TBXAS1: variants seen among roughly 807,000 people sequenced by gnomAD.
TBXAS1 encodes the protein thromboxane-A synthase.
A neutral mutation model predicts 60.7 loss-of-function variants in TBXAS1; 48 were observed. That is an observed-to-expected ratio of 0.79 (90% confidence interval 0.63 to 1.01). The LOEUF (loss-of-function observed/expected upper bound fraction) is 1.01, where lower values mean the gene tolerates loss of function less well. Among genes scored for constraint, TBXAS1 ranks in the 50% least tolerant of loss-of-function variants. The pLI is 0.00. For missense variants in TBXAS1, 685 were observed against 686.3 expected (o/e 1.00, Z 0.02); for synonymous variants, 287 against 269.7 (o/e 1.06, Z -0.63).
intron 3 of TBXAS1, among the ~76,000 whole-genome samples, chr7:139,887,982 T>G (rs1803250180): frequency 6.6e-6 from 1 of 152,200 alleles, no homozygotes; most frequent in African/African-American, 2.4e-5. Context: ...TCAGGTTAAA[T>G]TTACACTTCC....
At chr7:139,796,115 T>C (rs1797564050) in intron 4 of TBXAS1, among the ~76,000 whole-genome samples, 1 of 152,192 alleles carries the variant, frequency 6.6e-6, no homozygotes. Flanking sequence ...CTTCACTGCC[T>C]TAAAATATAC....
intron 3 of TBXAS1, among the ~76,000 whole-genome samples, chr7:139,889,144 C>A (rs141848420): frequency 5.8e-4 from 88 of 151,748 alleles, no homozygotes; most frequent in African/African-American, 1.8e-3. Context: ...ACAGCCTGGG[C>A]AATATAGTGA....
intron 4 of TBXAS1, among the ~76,000 whole-genome samples, chr7:139,915,218 G>C (rs1805875985): frequency 6.6e-6 from 1 of 152,098 alleles, no homozygotes; most frequent in Non-Finnish European, 1.5e-5. Context: ...ACAGGTTTTT[G>C]AAAGTCAAAT....
intron 4 of TBXAS1, among the ~76,000 whole-genome samples, chr7:139,796,717 G>A (rs899035446): frequency 2.0e-5 from 3 of 152,148 alleles, no homozygotes; most frequent in Non-Finnish European, 4.4e-5. Context: ...TAATGATAGA[G>A]GAAACTGGAA....
chr7:139,903,826 G>T (rs1000121442), intron 3 of TBXAS1, among the ~76,000 whole-genome samples: 1 of 151,524 alleles, frequency 6.6e-6, no homozygotes, highest in African/African-American at 2.4e-5. Flanking sequence ...TGATTTTTTT[G>T]AGTTCATTGT....
At chr7:139,812,408 T>C (rs144831882) in intron 4 of TBXAS1, among the ~76,000 whole-genome samples, 1 of 152,182 alleles carries the variant, frequency 6.6e-6, no homozygotes, top group Non-Finnish European at 1.5e-5. Flanking sequence ...TTCCAGAAAT[T>C]TTTTTCTCTG....
chr7:139,854,296 T>C, intron 1 of TBXAS1, among the ~76,000 whole-genome samples: 1 of 152,122 alleles, frequency 6.6e-6, no homozygotes, highest in Non-Finnish European at 1.5e-5. Flanking sequence ...TCATGCAAGA[T>C]TGCCCAAGCC....
chr7:139,879,914 C>T (rs1429404980), intron 3 of TBXAS1, among the ~76,000 whole-genome samples: 2 of 150,352 alleles, frequency 1.3e-5, no homozygotes, highest in Non-Finnish European at 2.9e-5. Context: ...CAGAGTCTTG[C>T]TCTGTCATGC....
At chr7:139,944,520 G>T (rs968024167) in intron 5 of TBXAS1, among the ~76,000 whole-genome samples, 1 of 152,182 alleles carries the variant, frequency 6.6e-6, no homozygotes, top group Non-Finnish European at 1.5e-5. Context: ...TAGGAAAAAG[G>T]GTTTCATTTC....
chr7:139,799,075 CTTT>C (rs59263161), intron 4 of TBXAS1, among the ~76,000 whole-genome samples: 7 of 118,696 alleles, frequency 5.9e-5, no homozygotes, highest in Non-Finnish European at 6.7e-5. Flanking sequence ...CCATACACTG[CTTT>C]TTTTTTTTTT....
At chr7:139,810,442 G>A (rs1797996860) in intron 4 of TBXAS1, among the ~76,000 whole-genome samples, 1 of 152,198 alleles carries the variant, frequency 6.6e-6, no homozygotes, top group Non-Finnish European at 1.5e-5. Context: ...GTGGTTGAGT[G>A]TCTCTGGTGT....
At chr7:139,826,826 C>T (rs1017239163), upstream of TBXAS1, among the ~76,000 whole-genome samples, 2 of 152,152 alleles carry the variant, frequency 1.3e-5, no homozygotes, top group Non-Finnish European at 2.9e-5. Context: ...CTCTCTGGCT[C>T]GACACCTCCA....
intron 9 of TBXAS1, among the ~76,000 whole-genome samples, chr7:139,972,328 G>T (rs908238056): frequency 3.3e-5 from 5 of 152,194 alleles, no homozygotes; most frequent in African/African-American, 1.2e-4. Context: ...TAAGCTTGTG[G>T]GGTTGGTTCA....
At chr7:139,933,007 C>T (rs942888490) in intron 4 of TBXAS1, among the ~76,000 whole-genome samples, 5 of 152,006 alleles carry the variant, frequency 3.3e-5, no homozygotes, top group African/African-American at 4.8e-5. Context: ...CAGTGAGCCA[C>T]GATCACACCA....
chr7:139,807,942 A>G (rs1797919566), intron 4 of TBXAS1, among the ~76,000 whole-genome samples: 1 of 152,128 alleles, frequency 6.6e-6, no homozygotes, highest in Admixed American at 6.5e-5. Context: ...GCCAATCTCA[A>G]ACTACTAACA....
chr7:139,971,608 C>T (rs1443245227), intron 9 of TBXAS1, among the ~76,000 whole-genome samples: 1 of 152,118 alleles, frequency 6.6e-6, no homozygotes, highest in Non-Finnish European at 1.5e-5. Flanking sequence ...TCCTCTGCCC[C>T]TACTCAGGAC....
At chr7:139,988,859 G>A (rs1230593036) in intron 9 of TBXAS1, among the ~76,000 whole-genome samples, 3 of 152,178 alleles carry the variant, frequency 2.0e-5, no homozygotes, top group Non-Finnish European at 4.4e-5. Flanking sequence ...CAGGCATCCC[G>A]TGTGGCGGGA....
intron 1 of TBXAS1, among the ~76,000 whole-genome samples, chr7:139,861,937 G>T (rs1800998933): frequency 6.6e-6 from 1 of 152,168 alleles, no homozygotes; most frequent in Admixed American, 6.5e-5. Flanking sequence ...CAAAGTAAAT[G>T]AGGTGGGGAT....
rs1810396607 is a variant in TBXAS1 at position 139,962,011 on chromosome 7, C to T, written c.912C>T (p.Phe304=). Residue 304 remains phenylalanine, a synonymous_variant, in exon 9 of 13, where the codon TTC becomes TTT. Coordinates refer to ENST00000448866, the MANE Select transcript of TBXAS1 (RefSeq NM_001061.7). ...VQDFDIVRDV[F]SSTGCKPNPS... ...ACTTTGACATCGTCAGAGACGTTTT[C>T]TCCTCTACTGGGTGCAAGCCGAACC... 5 of 1,614,138 alleles carry T rather than the reference C, an allele frequency of 3.1e-6. No homozygotes were observed. The South Asian group carries it at 5.5e-5, about 18-fold the overall frequency.
Sources: gnomAD v4.1 joint callset for allele counts (sites outside exome capture counted in the v4.1 genomes callset) on GRCh38, gnomAD v4.1.1 for gene constraint, MANE v1.5 for transcripts, NCBI Gene and HGNC (gene_info 2026-07-23, HGNC 2026-07-21) for gene names.